Variants in AFDN observed in about 807,000 individuals in gnomAD.
The protein encoded by AFDN is afadin.
In AFDN, 68 loss-of-function variants were observed where a neutral mutation model predicts 216.6. The observed-to-expected ratio is 0.31, with a 90% CI of 0.26 to 0.38. The LOEUF is 0.38. AFDN is among the 10% of genes least tolerant of loss of function. The pLI is 1.00. For synonymous variants in AFDN, 868 were observed against 853.7 expected, an observed-to-expected ratio of 1.02 and a Z score of -0.29; for missense variants, 2,136 against 2,342.0, an observed-to-expected ratio of 0.91 and a Z score of 1.82.
chr6:167,870,266 T>C (rs1401113148), intron 2 of AFDN, 120 bp from the exon 3 acceptor site: 5 of 612,768 alleles, frequency 8.2e-6, no homozygotes, highest in African/African-American at 5.6e-5. Context: ...GAACAATACA[T>C]TTCAGTCTGC....
Position 167,911,274 on chromosome 6 carries a change from C to A in AFDN, c.1832-10C>A, listed in dbSNP as rs776555080. 1.2e-6 allele frequency: 2 copies of A among 1,609,850 alleles called. No individual in the cohort carries two copies. Among genetic ancestry groups the A allele is most frequent in the East Asian group, 4.5e-5 (2 of 44,846 alleles). ...TTCCTTTTTTCTTTGTTTTTGAAAT[C>A]TTTCCACAGCTGAAGATTCATTTTT... On this transcript the variant is annotated splice_polypyrimidine_tract_variant and intron_variant, in intron 14 of 33. Transcript: ENST00000683244.
intron 13 of AFDN, among the ~76,000 whole-genome samples, chr6:167,908,866 TTA>T (rs1790040078): frequency 6.6e-6 from 1 of 152,180 alleles, no homozygotes; most frequent in African/African-American, 2.4e-5. Flanking sequence ...ATGGGCAGTG[TTA>T]TAATAAGCAC....
chr6:167,966,562 C>T (rs563069509), intron 32 of AFDN, among the ~76,000 whole-genome samples: 1 of 152,344 alleles, frequency 6.6e-6, no homozygotes, highest in South Asian at 2.1e-4. Flanking sequence ...TCCCAAATCA[C>T]TTGAAGTACT....
intron 3 of AFDN, among the ~76,000 whole-genome samples, chr6:167,871,042 A>G (rs1173556104): frequency 9.2e-5 from 14 of 152,244 alleles, no homozygotes. Flanking sequence ...ACAAGAATTC[A>G]TTATGGACAA....
chr6:167,874,610 A>AT (rs34069250), intron 4 of AFDN, among the ~76,000 whole-genome samples: 3,183 of 113,240 alleles, frequency 0.028, 100 homozygotes, highest in African/African-American at 0.063. Flanking sequence ...ATTTGCTATA[A>AT]TTTTTTTTTT....
intron 1 of AFDN, among the ~76,000 whole-genome samples, chr6:167,850,003 C>T (rs1227801739): frequency 6.6e-6 from 1 of 152,088 alleles, no homozygotes; most frequent in Non-Finnish European, 1.5e-5. Flanking sequence ...TACTAAGTGA[C>T]ATTCCAATCT....
chr6:167,918,140 T>A (rs1222116589), intron 20 of AFDN, among the ~76,000 whole-genome samples: 2 of 152,236 alleles, frequency 1.3e-5, no homozygotes, highest in African/African-American at 2.4e-5. Flanking sequence ...GTTGAGCTGG[T>A]GTGTTCATCT....
chr6:167,850,319 A>G (rs1376399445), intron 1 of AFDN, among the ~76,000 whole-genome samples: 1 of 152,166 alleles, frequency 6.6e-6, no homozygotes, highest in Non-Finnish European at 1.5e-5. Flanking sequence ...AGGCTTGAAA[A>G]AACTGCCTGT....
intron 1 of AFDN, among the ~76,000 whole-genome samples, chr6:167,828,709 A>G (rs1187029958): frequency 3.3e-5 from 5 of 151,344 alleles, no homozygotes; most frequent in Non-Finnish European, 7.4e-5. Context: ...TTTTTATCAC[A>G]AGGTAAAAAA....
chr6:167,838,424 T>G (rs1780691379), intron 1 of AFDN, among the ~76,000 whole-genome samples: 1 of 152,218 alleles, frequency 6.6e-6, no homozygotes, highest in Non-Finnish European at 1.5e-5. Flanking sequence ...TGGTCTGTGC[T>G]TACAATTAAA....
intron 32 of AFDN, among the ~76,000 whole-genome samples, chr6:167,967,200 G>A (rs548623818): frequency 3.4e-4 from 52 of 152,360 alleles, no homozygotes; most frequent in African/African-American, 1.2e-3. Context: ...CTTTTAGTGA[G>A]TGTATGAGAG....
At chr6:167,914,817 G>T in intron 18 of AFDN, 79 bp downstream of exon 18, 2 of 980,458 alleles carry the variant, frequency 2.0e-6, no homozygotes, top group Non-Finnish European at 3.1e-6. Flanking sequence ...GCGTAGGTAA[G>T]TGGAGGTGTT....
intron 23 of AFDN, among the ~76,000 whole-genome samples, chr6:167,926,467 G>C (rs1258775826): frequency 6.6e-6 from 1 of 152,194 alleles, no homozygotes; most frequent in Non-Finnish European, 1.5e-5. Flanking sequence ...AAAAGAGGCT[G>C]GGTCTTGCTG....
chr6:167,970,018 A>AG lies in AFDN; in HGVS notation c.*85dup. On this transcript the variant is annotated 3_prime_UTR_variant, in exon 34 of 34. Coordinates refer to ENST00000683244, the MANE Select transcript of AFDN (RefSeq NM_001386888.1). Reference sequence around the variant, plus strand: ...TAGGTGCGAGTTTGAAGAGGAAAAGAGGAAGGGGGTTATATTTCTAAGTGA... The same window carrying AG: ...TAGGTGCGAGTTTGAAGAGGAAAAGAGGGAAGGGGGTTATATTTCTAAGTGA... 9.3e-7 allele frequency: 1 copy of AG among 1,074,682 alleles called. No individual in the cohort carries two copies. The highest frequency in any genetic ancestry group is 1.3e-6 in the Non-Finnish European group (1 of 759,744). 66.6% of individuals were successfully genotyped at this position (1,074,682 alleles called of 1,614,324 possible).
chr6:167,948,584 G>C (rs1795610147), intron 29 of AFDN, 106 bp downstream of exon 29: 1 of 1,103,346 alleles, frequency 9.1e-7, no homozygotes, highest in Non-Finnish European at 1.2e-6. Flanking sequence ...TTGGCCTTTT[G>C]TTTTTCCTTT....
intron 31 of AFDN, chr6:167,964,202 T>C: frequency 9.4e-7 from 1 of 1,063,936 alleles, no homozygotes; most frequent in Non-Finnish European, 1.1e-6. Context: ...AATAACCTAT[T>C]TTTATATCAG....
intron 21 of AFDN, among the ~76,000 whole-genome samples, chr6:167,919,862 A>G (rs1490312058): frequency 6.6e-6 from 1 of 152,224 alleles, no homozygotes; most frequent in African/African-American, 2.4e-5. Flanking sequence ...AACACATAAA[A>G]GTAATAACGA....
rs530564928 is a variant in AFDN, at chr6:167,858,660, C to T, written c.106-5891C>T. On this transcript the variant is annotated intron_variant, in intron 1 of 33. Transcript: ENST00000683244. ...CCTTTATTTTCAGACAAAAATTTAA[C>T]GAAGTCATTTGATTTTAAAGACCAC... 3.9e-4 allele frequency among the ~76,000 whole-genome samples: 59 copies of T among 152,236 alleles called. 1 individual carries two copies. The highest frequency in any genetic ancestry group is 1.3e-3 in the African/African-American group (52 of 41,540).
At chr6:167,827,305 CG>C in intron 1 of AFDN, 68 bp downstream of exon 1, 2 of 594,006 alleles carry the variant, frequency 3.4e-6, no homozygotes, top group Non-Finnish European at 4.2e-6. Flanking sequence ...CCCTCCCCCC[CG>C]CCGCCGCCCG....
Sources: gnomAD v4.1 joint callset for allele counts (sites outside exome capture counted in the v4.1 genomes callset) on GRCh38, gnomAD v4.1.1 for gene constraint, MANE v1.5 for transcripts, NCBI Gene and HGNC (gene_info 2026-07-23, HGNC 2026-07-21) for gene names.